Variants in KCNN2 observed in about 807,000 individuals in gnomAD.
The protein encoded by KCNN2 is small conductance calcium-activated potassium channel protein 2.
KCNN2 carries 24 observed loss-of-function variants against 55.5 expected under a neutral mutation model. That is an observed-to-expected ratio of 0.43 (90% CI 0.31 to 0.61). The LOEUF is 0.61. KCNN2 is among the 20% of genes least tolerant of loss of function. KCNN2 has a pLI of 0.08. For missense variants in KCNN2, 754 were observed against 853.6 expected (o/e 0.88, Z 1.45); for synonymous variants, 431 against 336.1 (o/e 1.28, Z -3.09).
intron 1 of KCNN2, among the ~76,000 whole-genome samples, chr5:114,121,169 G>A (rs1751823832): frequency 6.6e-6 from 1 of 152,200 alleles, no homozygotes. Context: ...CACCACACAT[G>A]ACAGATTAAC....
At chr5:114,073,514 A>G (rs1326839238) in intron 1 of KCNN2, among the ~76,000 whole-genome samples, 1 of 152,160 alleles carries the variant, frequency 6.6e-6, no homozygotes, top group African/African-American at 2.4e-5. Context: ...TGTGAATTCA[A>G]AAGAGTCATA....
At chr5:114,148,881 C>T (rs1007900318) in intron 1 of KCNN2, among the ~76,000 whole-genome samples, 8 of 151,964 alleles carry the variant, frequency 5.3e-5, no homozygotes, top group Non-Finnish European at 1.0e-4. Context: ...GCTCACCATC[C>T]GTGTTAACTT....
intron 5 of KCNN2, among the ~76,000 whole-genome samples, chr5:114,473,619 C>T (rs1415751635): frequency 2.6e-5 from 4 of 152,134 alleles, no homozygotes; most frequent in African/African-American, 9.7e-5. Flanking sequence ...GGGCCAGAAA[C>T]AGGCTCTTTC....
chr5:114,297,361 A>C (rs1161185504), intron 2 of KCNN2, among the ~76,000 whole-genome samples: 1 of 152,076 alleles, frequency 6.6e-6, no homozygotes, highest in Non-Finnish European at 1.5e-5. Flanking sequence ...TTAATTATAA[A>C]ATATAAAAGC....
rs546358564 is a variant in KCNN2, at chr5:114,118,882, C to T, written c.-271+62382C>T. ...GAACAACTGAAACAGGTGGCACCTT[C>T]GGAGACAAGATGGAGGCAGGATAGG... On this transcript the variant is annotated intron_variant, in intron 1 of 10. Transcript: ENST00000512097. Among the ~76,000 whole-genome samples the T allele has an allele frequency of 5.3e-5, 8 of 151,966 alleles. No individual in the cohort carries two copies. In the East Asian group the frequency reaches 1.5e-3, roughly 29 times the overall value.
At chr5:114,356,042 C>T (rs1407360112) in intron 2 of KCNN2, among the ~76,000 whole-genome samples, 1 of 151,866 alleles carries the variant, frequency 6.6e-6, no homozygotes, top group Non-Finnish European at 1.5e-5. Flanking sequence ...TCTGTGAGGC[C>T]CTTCACAGGT....
chr5:114,172,111 G>A (rs1753045056), intron 1 of KCNN2, among the ~76,000 whole-genome samples: 1 of 151,844 alleles, frequency 6.6e-6, no homozygotes, highest in African/African-American at 2.4e-5. Context: ...CTTTGGAGAT[G>A]ACCATATATA....
intron 2 of KCNN2, among the ~76,000 whole-genome samples, chr5:114,316,866 T>C (rs904752113): frequency 7.2e-5 from 11 of 152,200 alleles, no homozygotes; most frequent in Non-Finnish European, 1.6e-4. Context: ...CAGTCATACC[T>C]GAGTCCACAT....
chr5:114,173,807 A>G (rs1192937928), intron 1 of KCNN2, among the ~76,000 whole-genome samples: 2 of 151,932 alleles, frequency 1.3e-5, no homozygotes, highest in African/African-American at 4.8e-5. Flanking sequence ...TTCATCAATC[A>G]TCATGTCTAA....
At chr5:114,439,541 A>G (rs966081816) in intron 3 of KCNN2, among the ~76,000 whole-genome samples, 1 of 152,058 alleles carries the variant, frequency 6.6e-6, no homozygotes, top group African/African-American at 2.4e-5. Context: ...CCAGGGTCCC[A>G]CCCTCAGTGA....
At chr5:114,275,046 G>C (rs550591277) in intron 2 of KCNN2, among the ~76,000 whole-genome samples, 5 of 152,120 alleles carry the variant, frequency 3.3e-5, no homozygotes, top group African/African-American at 1.2e-4. Context: ...AGCATGAAAG[G>C]CTGTTGAATT....
chr5:114,169,030 A>C (rs1752976465), intron 1 of KCNN2, among the ~76,000 whole-genome samples: 1 of 152,056 alleles, frequency 6.6e-6, no homozygotes, highest in African/African-American at 2.4e-5. Flanking sequence ...GTTGTTTGAA[A>C]GTGTGTAGCA....
chr5:114,164,040 T>G (rs982323798), intron 1 of KCNN2, among the ~76,000 whole-genome samples: 2 of 152,208 alleles, frequency 1.3e-5, no homozygotes, highest in African/African-American at 4.8e-5. Context: ...GGAATGAACC[T>G]GATTGTCAAT....
At chr5:114,147,671 C>G (rs1020195734) in intron 1 of KCNN2, among the ~76,000 whole-genome samples, 9 of 152,182 alleles carry the variant, frequency 5.9e-5, no homozygotes, top group African/African-American at 1.9e-4. Context: ...AGATCTGTAT[C>G]TCCTGATAAA....
intron 1 of KCNN2, among the ~76,000 whole-genome samples, chr5:114,101,419 T>C (rs1340644519): frequency 6.6e-6 from 1 of 151,084 alleles, no homozygotes; most frequent in Non-Finnish European, 1.5e-5. Context: ...GTTTTCTTTT[T>C]TTTTTTTTTC....
At chr5:114,153,200 T>C (rs1179739332) in intron 1 of KCNN2, among the ~76,000 whole-genome samples, 1 of 152,212 alleles carries the variant, frequency 6.6e-6, no homozygotes, top group African/African-American at 2.4e-5. Context: ...ATATTCATGT[T>C]GTCAGGTCTG....
intron 2 of KCNN2, among the ~76,000 whole-genome samples, chr5:114,266,881 A>T (rs1160257352): frequency 6.6e-6 from 1 of 152,048 alleles, no homozygotes; most frequent in Non-Finnish European, 1.5e-5. Flanking sequence ...TGTCTTATAT[A>T]TGCCCACACT....
intron 2 of KCNN2, among the ~76,000 whole-genome samples, chr5:114,226,737 T>TA (rs1215581147): frequency 4.0e-5 from 6 of 151,696 alleles, no homozygotes. Context: ...CCATCTCTAC[T>TA]AAAAATACAA....
intron 1 of KCNN2, among the ~76,000 whole-genome samples, chr5:114,120,624 G>A (rs1049510349): frequency 6.6e-6 from 1 of 152,206 alleles, no homozygotes; most frequent in Non-Finnish European, 1.5e-5. Context: ...TGCAAAGGGG[G>A]AGGCCAATTT....
Sources: allele counts gnomAD v4.1 joint callset (sites outside exome capture counted in the v4.1 genomes callset), GRCh38; gene constraint gnomAD v4.1.1; transcripts MANE v1.5; gene names NCBI Gene and HGNC (gene_info 2026-07-23, HGNC 2026-07-21).